The following CBLB variants were observed in gnomAD, a reference collection of about 807,000 sequenced individuals.
CBLB encodes the protein E3 ubiquitin-protein ligase CBL-B.
CBLB carries 31 observed loss-of-function variants against 104.9 expected under a neutral mutation model. That is an observed-to-expected ratio of 0.30 (90% CI 0.22 to 0.40). The LOEUF (loss-of-function observed/expected upper bound fraction) is 0.40, where lower values mean the gene tolerates loss of function less well. Ranked by LOEUF, CBLB falls within the 10% of genes least tolerant of loss-of-function variation. The pLI is 1.00. For missense variants in CBLB, 1,062 were observed against 1,214.6 expected (o/e 0.87, Z 1.87); for synonymous variants, 440 against 422.6 (o/e 1.04, Z -0.51).
At chr3:105,815,776 C>T (rs1051207972) in intron 3 of CBLB, among the ~76,000 whole-genome samples, 1 of 152,110 alleles carries the variant, frequency 6.6e-6, no homozygotes, top group African/African-American at 2.4e-5. Flanking sequence ...TTCACAATGG[C>T]AAAGACTTGG....
chr3:105,791,756 A>G (rs768737086), intron 3 of CBLB, among the ~76,000 whole-genome samples: 17 of 152,250 alleles, frequency 1.1e-4, no homozygotes, highest in Admixed American at 2.0e-4. Flanking sequence ...ACATGAATAC[A>G]GTACCACATG....
intron 3 of CBLB, among the ~76,000 whole-genome samples, chr3:105,851,511 C>T (rs1050924457): frequency 7.2e-5 from 11 of 152,162 alleles, no homozygotes; most frequent in African/African-American, 2.7e-4. Flanking sequence ...AAAAGTGGAC[C>T]CTAATGTAAA....
At chr3:105,707,838 CT>C (rs1409334654) in intron 10 of CBLB, among the ~76,000 whole-genome samples, 1 of 151,654 alleles carries the variant, frequency 6.6e-6, no homozygotes, top group African/African-American at 2.4e-5. Context: ...AAAAAGTCTG[CT>C]CTTTTTTATC....
Position 105,734,109 on chromosome 3 carries a change from G to A in CBLB, c.1103C>T (p.Ser368Phe), listed in dbSNP as rs751258605. 2 of 1,613,896 alleles carry A rather than the reference G, an allele frequency of 1.2e-6. No homozygotes were observed. The highest frequency in any genetic ancestry group is 1.1e-5 in the South Asian group (1 of 91,084). The change falls in exon 9 of 19, where the codon TCC (serine) becomes TTC (phenylalanine). Residue 368 changes from serine (S) to phenylalanine (F), a missense_variant. By Grantham distance (155) the Ser-to-Phe change is radical (BLOSUM62 -2). Around this residue, in one of 2 missense-constraint regions of CBLB, gnomAD observed 457 missense variants for 632.0 expected, o/e 0.72. Transcript: ENST00000394030. Reference protein sequence around the residue: ...EQYELYCEMGSTFQLCKICAE... With the variant: ...EQYELYCEMGFTFQLCKICAE... ...ACAAATCTTACAGAGCTGAAAAGTG[G>A]AGCCCATTTCACAATATAATTCATA... is the stretch of plus-strand genomic sequence containing the variant.
intron 3 of CBLB, among the ~76,000 whole-genome samples, chr3:105,810,364 T>A (rs2084108418): frequency 6.6e-6 from 1 of 152,134 alleles, no homozygotes; most frequent in Admixed American, 6.5e-5. Context: ...ATACCTGGAT[T>A]TTTTGTGTGT....
intron 3 of CBLB, among the ~76,000 whole-genome samples, chr3:105,797,115 C>A (rs1018467635): frequency 6.6e-6 from 1 of 152,090 alleles, no homozygotes; most frequent in Non-Finnish European, 1.5e-5. Context: ...AATCATTCTA[C>A]GATAAAGACA....
intron 13 of CBLB, among the ~76,000 whole-genome samples, chr3:105,691,089 C>T (rs1170673340): frequency 6.6e-6 from 1 of 152,174 alleles, no homozygotes; most frequent in African/African-American, 2.4e-5. Context: ...TTAGCATATG[C>T]ATATGCTTGT....
chr3:105,766,476 A>C (rs2078238016), intron 4 of CBLB, among the ~76,000 whole-genome samples: 1 of 152,194 alleles, frequency 6.6e-6, no homozygotes, highest in Non-Finnish European at 1.5e-5. Context: ...TTGATGTAGT[A>C]AACTTCACTG....
At chr3:105,837,372 T>C (rs2088706383) in intron 3 of CBLB, among the ~76,000 whole-genome samples, 1 of 152,228 alleles carries the variant, frequency 6.6e-6, no homozygotes, top group Non-Finnish European at 1.5e-5. Context: ...AAGTCCTGTG[T>C]ATTCAGGGTC....
At chr3:105,681,091 TAAGTGG>T (rs368705274) in intron 16 of CBLB, 204 of 255,640 alleles carry the variant, frequency 8.0e-4, no homozygotes, top group African/African-American at 4.2e-3. Flanking sequence ...TTAATTAGCG[TAAGTGG>T]AACTGGTGCT....
chr3:105,789,852 T>C (rs1427135576), intron 3 of CBLB, among the ~76,000 whole-genome samples: 1 of 152,216 alleles, frequency 6.6e-6, no homozygotes, highest in African/African-American at 2.4e-5. Context: ...TCAAGCACTA[T>C]TAATAATCCT....
In CBLB at chr3:105,805,013, T is replaced by C. The variant is rs185075629; in HGVS notation, c.420-28471A>G. On this transcript the variant is annotated intron_variant, in intron 3 of 18. Coordinates refer to ENST00000394030, the MANE Select transcript of CBLB (RefSeq NM_170662.5). ...TACCCACCACCACAGTAGTTGCTGT[T>C]TGAGAGGTCAGGCCCTTACCATCAC... 2.0e-3 allele frequency among the ~76,000 whole-genome samples: 304 copies of C among 152,274 alleles called. 2 individuals are homozygous for C. The highest frequency in any genetic ancestry group is 7.1e-3 in the African/African-American group (295 of 41,548).
At chr3:105,719,364 G>C (rs1435155767) in intron 10 of CBLB, among the ~76,000 whole-genome samples, 1 of 152,176 alleles carries the variant, frequency 6.6e-6, no homozygotes, top group East Asian at 1.9e-4. Flanking sequence ...GTACCTTGAG[G>C]AGAATCTAGT....
intron 2 of CBLB, among the ~76,000 whole-genome samples, chr3:105,866,755 C>T (rs2092449369): frequency 6.6e-6 from 1 of 152,118 alleles, no homozygotes; most frequent in African/African-American, 2.4e-5. Flanking sequence ...ATGCAGAAAC[C>T]ACAGAGGTTT....
intron 2 of CBLB, among the ~76,000 whole-genome samples, chr3:105,863,680 A>G (rs2153152609): frequency 6.6e-6 from 1 of 152,326 alleles, no homozygotes; most frequent in East Asian, 1.9e-4. Context: ...TGTAAATTAT[A>G]TTTCAAGCTT....
intron 3 of CBLB, among the ~76,000 whole-genome samples, chr3:105,842,458 C>A (rs1359499344): frequency 6.6e-6 from 1 of 152,206 alleles, no homozygotes; most frequent in African/African-American, 2.4e-5. Flanking sequence ...TCTCCTTTGA[C>A]AATTTAGACT....
intron 9 of CBLB, among the ~76,000 whole-genome samples, chr3:105,720,484 T>C (rs2072647037): frequency 6.6e-6 from 1 of 152,126 alleles, no homozygotes; most frequent in African/African-American, 2.4e-5. Context: ...TTAAGAAAGT[T>C]TGATTTTCCC....
intron 8 of CBLB, among the ~76,000 whole-genome samples, chr3:105,736,651 G>T (rs2074981812): frequency 6.6e-6 from 1 of 151,946 alleles, no homozygotes; most frequent in African/African-American, 2.4e-5. Flanking sequence ...ATATATATGG[G>T]ATCTATTACA....
At chr3:105,708,034 T>A (rs1331768440) in intron 10 of CBLB, among the ~76,000 whole-genome samples, 1 of 152,100 alleles carries the variant, frequency 6.6e-6, no homozygotes. Context: ...GTAATTCAAA[T>A]GCCTCTATAG....
Sources: gnomAD v4.1 joint callset for allele counts (sites outside exome capture counted in the v4.1 genomes callset) on GRCh38, gnomAD v4.1.1 for gene constraint, gnomAD v4.1.1 regional missense constraint, MANE v1.5 for transcripts, NCBI Gene and HGNC (gene_info 2026-07-23, HGNC 2026-07-21) for gene names.